Variants in CNTN4 observed in about 807,000 individuals in gnomAD.
CNTN4 encodes the protein contactin-4.
CNTN4 carries 77 observed loss-of-function variants against 122.5 expected under a neutral mutation model. The ratio of observed to expected loss-of-function variants is 0.63; its 90% CI spans 0.52 to 0.76. CNTN4 has a LOEUF of 0.76. Ranked by LOEUF, CNTN4 falls within the 30% of genes least tolerant of loss-of-function variation. The pLI, the probability that CNTN4 is intolerant of heterozygous loss-of-function variation, is 0.00. For missense variants in CNTN4, 1,256 were observed against 1,259.1 expected (o/e 1.00, Z 0.04); for synonymous variants, 512 against 447.0 (o/e 1.15, Z -1.83).
intron 2 of CNTN4, among the ~76,000 whole-genome samples, chr3:2,307,880 T>C (rs914734277): frequency 6.6e-6 from 1 of 152,148 alleles, no homozygotes; most frequent in Non-Finnish European, 1.5e-5. Flanking sequence ...GAGTATTAAT[T>C]TGTAGCTTTC....
intron 4 of CNTN4, among the ~76,000 whole-genome samples, chr3:2,608,056 C>T (rs2081332912): frequency 6.6e-6 from 1 of 152,088 alleles, no homozygotes; most frequent in Non-Finnish European, 1.5e-5. Context: ...TTTAGGTTAA[C>T]TCTTCAATAA....
chr3:2,472,490 C>G lies in CNTN4; in HGVS notation c.-88-98926C>G, dbSNP rs142222656. Among the ~76,000 whole-genome samples the G allele has an allele frequency of 1.4e-3, 212 of 152,232 alleles. 1 individual carries two copies. The highest frequency in any genetic ancestry group is 4.9e-3 in the African/African-American group (205 of 41,522). Reference sequence around the variant, plus strand: ...CTGGCCTCATGTGATCCACCTGCCTCGGCGTCCCAAAGTGCTGGGATTACT... The same window carrying G: ...CTGGCCTCATGTGATCCACCTGCCTGGGCGTCCCAAAGTGCTGGGATTACT... On this transcript the variant is annotated intron_variant, in intron 3 of 24. Transcript: ENST00000418658.
intron 2 of CNTN4, among the ~76,000 whole-genome samples, chr3:2,323,090 C>A (rs145347450): frequency 6.6e-6 from 1 of 152,200 alleles, no homozygotes; most frequent in Non-Finnish European, 1.5e-5. Context: ...AGCTCTCTTG[C>A]CTCTGGAGAG....
intron 2 of CNTN4, among the ~76,000 whole-genome samples, chr3:2,212,433 C>A (rs1314418941): frequency 2.6e-5 from 4 of 152,140 alleles, no homozygotes; most frequent in East Asian, 3.9e-4. Flanking sequence ...ACCTCACAAT[C>A]GTGGCAGGAG....
intron 17 of CNTN4, among the ~76,000 whole-genome samples, chr3:3,036,058 A>T (rs12715169): frequency 0.45 from 68,832 of 151,922 alleles, 15,797 homozygotes; most frequent in African/African-American, 0.48. Context: ...TCTTATACCA[A>T]CCCCACTCTG....
At chr3:2,943,746 C>T (rs1241023429) in intron 13 of CNTN4, among the ~76,000 whole-genome samples, 1 of 151,336 alleles carries the variant, frequency 6.6e-6, no homozygotes, top group Non-Finnish European at 1.5e-5. Context: ...GCCTTAGCCT[C>T]CCCAGTAGCT....
chr3:2,585,797 C>T, intron 4 of CNTN4, among the ~76,000 whole-genome samples: 1 of 150,124 alleles, frequency 6.7e-6, no homozygotes, highest in Non-Finnish European at 1.5e-5. Context: ...ATGTAACAAA[C>T]CTGCACATTG....
intron 6 of CNTN4, among the ~76,000 whole-genome samples, chr3:2,789,739 A>T (rs984478368): frequency 6.6e-6 from 1 of 152,218 alleles, no homozygotes; most frequent in Non-Finnish European, 1.5e-5. Flanking sequence ...CCTCGGATTT[A>T]TTTTGGTAGA....
chr3:2,416,809 T>G (rs143079371), intron 3 of CNTN4, among the ~76,000 whole-genome samples: 289 of 152,100 alleles, frequency 1.9e-3, no homozygotes, highest in African/African-American at 6.4e-3. Flanking sequence ...GCCTGCAACC[T>G]CGCCCGGCTA....
intron 6 of CNTN4, among the ~76,000 whole-genome samples, chr3:2,804,642 G>A (rs1428752297): frequency 6.6e-6 from 1 of 152,108 alleles, no homozygotes; most frequent in Non-Finnish European, 1.5e-5. Context: ...GAAGGTGTGA[G>A]CATTGCTCTT....
Position 3,032,011 on chromosome 3 carries a change from A to T in CNTN4, c.1783+1036A>T, listed in dbSNP as rs377531328. Among the ~76,000 whole-genome samples, 334 of 152,306 alleles carry T rather than the reference A, an allele frequency of 2.2e-3. 1 individual carries two copies. Among genetic ancestry groups the T allele is most frequent in the African/African-American group, 7.7e-3 (322 of 41,566 alleles). ...CTCTAGGCATAATGTAAGGGGGGAA[A>T]TGTGTGGGAGTTACCAACTTAAACT... On this transcript the variant is annotated intron_variant, in intron 16 of 24. Transcript: ENST00000418658.
chr3:2,484,727 C>G (rs1207279203), intron 3 of CNTN4, among the ~76,000 whole-genome samples: 1 of 152,228 alleles, frequency 6.6e-6, no homozygotes, highest in East Asian at 1.9e-4. Flanking sequence ...GTATCCTGAG[C>G]CTATTGAGAG....
intron 2 of CNTN4, among the ~76,000 whole-genome samples, chr3:2,280,267 G>A (rs898942626): frequency 6.6e-6 from 1 of 152,052 alleles, no homozygotes; most frequent in African/African-American, 2.4e-5. Flanking sequence ...GTATCAACAG[G>A]CATTTATAAG....
chr3:2,511,051 A>T lies in CNTN4; in HGVS notation c.-88-60365A>T, dbSNP rs577162006. ...GTCCCCAAAGACTGACTCTGAAAAG[A>T]ACATACACGTGTATGTCGCATAAAA... On this transcript the variant is annotated intron_variant, in intron 3 of 24. Transcript: ENST00000418658. Among the ~76,000 whole-genome samples, 11 of 152,246 alleles carry T rather than the reference A, an allele frequency of 7.2e-5. No individual in the cohort carries two copies. In the South Asian group the frequency reaches 2.3e-3, roughly 32 times the overall value.
At chr3:2,855,046 A>G (rs2093603859) in intron 7 of CNTN4, among the ~76,000 whole-genome samples, 1 of 152,252 alleles carries the variant, frequency 6.6e-6, no homozygotes. Context: ...CCCGTACAAT[A>G]CTGATATTTC....
chr3:2,667,437 T>C (rs1416829405), intron 4 of CNTN4, among the ~76,000 whole-genome samples: 1 of 152,198 alleles, frequency 6.6e-6, no homozygotes, highest in Non-Finnish European at 1.5e-5. Flanking sequence ...TTAATGGGGT[T>C]GTTTGACTTT....
chr3:2,520,243 G>A (rs1336696748), intron 3 of CNTN4, among the ~76,000 whole-genome samples: 1 of 141,984 alleles, frequency 7.0e-6, no homozygotes, highest in Non-Finnish European at 1.5e-5. Flanking sequence ...GAAAAAGATA[G>A]GTTGGTGATT....
At position 2,279,730 on chromosome 3, in the gene CNTN4, C is replaced by G. The variant is rs116505656; in HGVS notation, c.-144-59448C>G. ...AGACTTTTGTTAAAATATCTTTAGA[C>G]AGAATTTTGGTATATATATATGATA... On this transcript the variant is annotated intron_variant, in intron 2 of 24. Transcript: ENST00000418658. Among the ~76,000 whole-genome samples, 1,215 of 151,526 alleles carry G rather than the reference C, an allele frequency of 8.0e-3. 18 individuals are homozygous for G. The highest frequency in any genetic ancestry group is 0.028 in the African/African-American group (1,151 of 41,292).
chr3:2,440,178 C>A (rs1285714695), intron 3 of CNTN4, among the ~76,000 whole-genome samples: 1 of 152,084 alleles, frequency 6.6e-6, no homozygotes, highest in Non-Finnish European at 1.5e-5. Flanking sequence ...TTTTAGGGTA[C>A]ATGTGCACAA....
Sources: allele counts gnomAD v4.1 joint callset (sites outside exome capture counted in the v4.1 genomes callset), GRCh38; gene constraint gnomAD v4.1.1; transcripts MANE v1.5; gene names NCBI Gene and HGNC (gene_info 2026-07-23, HGNC 2026-07-21).